The following ACAP2 variants were observed in gnomAD, a reference collection of about 807,000 sequenced individuals.
The protein encoded by ACAP2 is ArfGAP with coiled-coil, ankyrin repeat and PH domains 2.
ACAP2 carries 39 observed loss-of-function variants against 115.8 expected under a neutral mutation model. The observed-to-expected ratio is 0.34, with a 90% confidence interval of 0.26 to 0.44. The LOEUF is 0.44. Ranked by LOEUF, ACAP2 falls within the 20% of genes least tolerant of loss-of-function variation. The pLI is 1.00. For missense variants in ACAP2, 662 were observed against 927.6 expected, an observed-to-expected ratio of 0.71 and a Z score of 3.72; for synonymous variants, 289 against 315.8, an observed-to-expected ratio of 0.92 and a Z score of 0.90.
intron 1 of ACAP2, among the ~76,000 whole-genome samples, chr3:195,419,884 G>A (rs900205070): frequency 7.9e-5 from 12 of 151,906 alleles, no homozygotes; most frequent in African/African-American, 2.9e-4. Flanking sequence ...CTGTTCATCT[G>A]TCTGTTCTAG....
chr3:195,342,724 G>A (rs9862710), intron 5 of ACAP2, 70 bp from the exon 6 acceptor site: 327,374 of 1,294,010 alleles, frequency 0.25, 46,867 homozygotes, highest in East Asian at 0.72. Context: ...GGCTGGGCGC[G>A]GTGGCTCACA....
chr3:195,438,295 T>C (rs112293579), intron 1 of ACAP2, among the ~76,000 whole-genome samples: 29,629 of 151,694 alleles, frequency 0.2, 3,186 homozygotes, highest in Admixed American at 0.33. Context: ...CCCAAAGTGC[T>C]AGGATTACAG....
At chr3:195,311,239 G>A (rs1728750405) in intron 10 of ACAP2, among the ~76,000 whole-genome samples, 1 of 151,770 alleles carries the variant, frequency 6.6e-6, no homozygotes, top group African/African-American at 2.4e-5. Context: ...TGGGGTTACA[G>A]ACACACGCCA....
At chr3:195,355,733 A>G (rs1230390936) in intron 4 of ACAP2, among the ~76,000 whole-genome samples, 5 of 152,210 alleles carry the variant, frequency 3.3e-5, no homozygotes, top group African/African-American at 7.2e-5. Flanking sequence ...CACTTCAAAG[A>G]TCTAGTCCAG....
chr3:195,375,117 G>A (rs891250089), intron 4 of ACAP2, among the ~76,000 whole-genome samples: 37 of 151,502 alleles, frequency 2.4e-4, no homozygotes, highest in African/African-American at 5.3e-4. Context: ...GCTTGAACCC[G>A]GGAGGCAGAG....
intron 1 of ACAP2, among the ~76,000 whole-genome samples, chr3:195,432,051 A>T (rs1577475384): frequency 6.6e-6 from 1 of 152,238 alleles, no homozygotes; most frequent in Admixed American, 6.5e-5. Context: ...CTTTAATTGG[A>T]TTATTTGTCC....
At chr3:195,294,592 G>GAA (rs200209680) in intron 18 of ACAP2, 127 bp downstream of exon 18, 6 of 49,826 alleles carry the variant, frequency 1.2e-4, no homozygotes, top group South Asian at 1.0e-3. Context: ...AAAAAAAGAA[G>GAA]AAAAAAAAAA....
intron 4 of ACAP2, among the ~76,000 whole-genome samples, chr3:195,361,306 T>A (rs1344425291): frequency 6.6e-6 from 1 of 151,918 alleles, no homozygotes; most frequent in Non-Finnish European, 1.5e-5. Context: ...TGTAATGGCA[T>A]GCACCTGTAA....
Position 195,320,634 on chromosome 3 carries a change from A to G in ACAP2, c.857+67T>C, listed in dbSNP as rs1729386336. ...AAGAACTATAAAGGAGAGAGTTGTC[A>G]AATCACAGGGAAAGTCAGAAAATCA... On this transcript the variant is annotated intron_variant, in intron 10 of 22. Transcript: ENST00000326793. The G allele has an allele frequency of 4.3e-6, 5 of 1,173,532 alleles. No individual in the cohort carries two copies. In the Admixed American group the frequency reaches 5.4e-5, roughly 13 times the overall value. The allele number at this position is 1,173,532 out of a possible 1,614,324, so 72.7% of individuals were successfully genotyped here.
chr3:195,329,519 G>A (rs991041202), intron 8 of ACAP2, among the ~76,000 whole-genome samples: 2 of 151,966 alleles, frequency 1.3e-5, no homozygotes, highest in East Asian at 1.9e-4. Context: ...TAATAAAACT[G>A]CTAACCCATA....
At chr3:195,313,326 T>TA (rs1728881510) in intron 10 of ACAP2, among the ~76,000 whole-genome samples, 1 of 152,222 alleles carries the variant, frequency 6.6e-6, no homozygotes, top group African/African-American at 2.4e-5. Flanking sequence ...CTATAAAATA[T>TA]AGATAGCACC....
intron 15 of ACAP2, among the ~76,000 whole-genome samples, chr3:195,300,207 T>C (rs112003207): frequency 0.036 from 5,525 of 151,918 alleles, 173 homozygotes; most frequent in East Asian, 0.1. Context: ...CCACCACGCC[T>C]GGCTAATTTT....
At chr3:195,432,402 G>T (rs754789680) in intron 1 of ACAP2, among the ~76,000 whole-genome samples, 4 of 152,116 alleles carry the variant, frequency 2.6e-5, no homozygotes, top group Non-Finnish European at 5.9e-5. Context: ...ATACTTTCAC[G>T]TGTGGATATT....
Position 195,392,070 on chromosome 3 carries a change from A to C in ACAP2, c.111+20T>G. 2 of 1,601,686 alleles carry C rather than the reference A, an allele frequency of 1.2e-6. No homozygotes were observed. Among genetic ancestry groups the C allele is most frequent in the Non-Finnish European group, 1.7e-6 (2 of 1,169,840 alleles). On this transcript the variant is annotated intron_variant, in intron 2 of 22. Transcript: ENST00000326793. ...GCAAACGAGAATCAATGTTTCAAAAAGCTAACTTGTAAAATTTACCTTATC... is the reference window on the plus strand; with the variant it reads ...GCAAACGAGAATCAATGTTTCAAAACGCTAACTTGTAAAATTTACCTTATC...
At chr3:195,431,435 T>A (rs1715114225) in intron 1 of ACAP2, among the ~76,000 whole-genome samples, 1 of 151,908 alleles carries the variant, frequency 6.6e-6, no homozygotes, top group African/African-American at 2.4e-5. Context: ...ACTCTATGTT[T>A]AACTTTTCTT....
intron 1 of ACAP2, among the ~76,000 whole-genome samples, chr3:195,430,779 A>G (rs1476140704): frequency 6.6e-6 from 1 of 152,116 alleles, no homozygotes; most frequent in Non-Finnish European, 1.5e-5. Context: ...CCATGCATTG[A>G]TAACTGTTAA....
intron 1 of ACAP2, among the ~76,000 whole-genome samples, chr3:195,438,353 T>C (rs1039405536): frequency 2.7e-5 from 4 of 150,804 alleles, no homozygotes; most frequent in African/African-American, 9.8e-5. Flanking sequence ...TGGTTCATAA[T>C]AAAATTACTT....
At chr3:195,387,978 T>C (rs1197505100) in intron 2 of ACAP2, among the ~76,000 whole-genome samples, 2 of 152,194 alleles carry the variant, frequency 1.3e-5, no homozygotes, top group Admixed American at 1.3e-4. Flanking sequence ...GAAGAGCTTG[T>C]CCAAGGCCAT....
chr3:195,300,749 G>A (rs1442925129), intron 15 of ACAP2, among the ~76,000 whole-genome samples: 1 of 152,178 alleles, frequency 6.6e-6, no homozygotes, highest in Non-Finnish European at 1.5e-5. Flanking sequence ...AAGGGTAGTG[G>A]CTCACACCTG....
Sources: allele counts gnomAD v4.1 joint callset (sites outside exome capture counted in the v4.1 genomes callset), GRCh38; gene constraint gnomAD v4.1.1; transcripts MANE v1.5; gene names NCBI Gene and HGNC (gene_info 2026-07-23, HGNC 2026-07-21).